TSHZ2: variants seen among roughly 807,000 people sequenced by gnomAD.
TSHZ2 encodes teashirt zinc finger homeobox 2.
In TSHZ2, 21 loss-of-function variants were observed where a neutral mutation model predicts 74.4. The ratio of observed to expected loss-of-function variants is 0.28; its 90% CI spans 0.20 to 0.41. TSHZ2 has a LOEUF of 0.41. Among genes scored for constraint, TSHZ2 ranks in the 10% least tolerant of loss-of-function variants. The pLI is 1.00. For missense variants in TSHZ2, 1,244 were observed against 1,293.5 expected (o/e 0.96, Z 0.59); for synonymous variants, 540 against 515.3 (o/e 1.05, Z -0.65).
chr20:53,472,323 C>T (rs908842252), intron 2 of TSHZ2, among the ~76,000 whole-genome samples: 15 of 152,166 alleles, frequency 9.9e-5, no homozygotes, highest in Non-Finnish European at 1.5e-4. Context: ...GGGAGGATTT[C>T]ATGACTAGGG....
At position 53,406,992 on chromosome 20, in the gene TSHZ2, G is replaced by T. The variant is rs186224313; in HGVS notation, c.*9-80152G>T. Among the ~76,000 whole-genome samples, 180 of 152,082 alleles carry T rather than the reference G, an allele frequency of 1.2e-3. 1 individual carries two copies. The highest frequency in any genetic ancestry group is 3.5e-3 in the African/African-American group (144 of 41,478). On this transcript the variant is annotated intron_variant, in intron 2 of 2. Coordinates refer to ENST00000371497, the MANE Select transcript of TSHZ2 (RefSeq NM_173485.6). ...AACCCCAAACTCAGCCCCACTTCAG[G>T]GTCTCTCACTAAAGCACCAATGAGC...
chr20:53,031,973 G>T (rs1369261503), intron 1 of TSHZ2, among the ~76,000 whole-genome samples: 1 of 149,930 alleles, frequency 6.7e-6, no homozygotes, highest in Non-Finnish European at 1.5e-5. Flanking sequence ...TAGGAAGAGA[G>T]AAAGAAAGAA....
At chr20:53,284,728 C>T (rs1446460318) in intron 2 of TSHZ2, among the ~76,000 whole-genome samples, 2 of 151,346 alleles carry the variant, frequency 1.3e-5, no homozygotes, top group African/African-American at 4.9e-5. Flanking sequence ...CCCCCACCCC[C>T]ATTGTGTGAT....
intron 2 of TSHZ2, among the ~76,000 whole-genome samples, chr20:53,330,299 A>G (rs572488174): frequency 2.0e-5 from 3 of 152,212 alleles, no homozygotes; most frequent in Non-Finnish European, 4.4e-5. Flanking sequence ...TTGCATAACT[A>G]TAGGGCAATA....
intron 1 of TSHZ2, among the ~76,000 whole-genome samples, chr20:53,151,756 G>A (rs1253210627): frequency 6.6e-6 from 1 of 152,038 alleles, no homozygotes; most frequent in African/African-American, 2.4e-5. Flanking sequence ...ATCACCTCAT[G>A]GCCTTTCTAA....
chr20:53,220,150 A>G (rs1241103385), intron 1 of TSHZ2, among the ~76,000 whole-genome samples: 1 of 152,226 alleles, frequency 6.6e-6, no homozygotes, highest in East Asian at 1.9e-4. Flanking sequence ...TCTTAACCTC[A>G]TTATCAAAAT....
chr20:53,435,870 T>C (rs1438567911), intron 2 of TSHZ2, among the ~76,000 whole-genome samples: 2 of 152,222 alleles, frequency 1.3e-5, no homozygotes, highest in Non-Finnish European at 2.9e-5. Flanking sequence ...GCTCTCCCTC[T>C]TGCTAAGTGT....
chr20:53,377,176 T>C (rs918341276), intron 2 of TSHZ2, among the ~76,000 whole-genome samples: 2 of 152,224 alleles, frequency 1.3e-5, no homozygotes, highest in African/African-American at 4.8e-5. Context: ...TACTGCAACA[T>C]TTTACAGTCC....
chr20:53,228,945 A>G (rs916676470), intron 1 of TSHZ2, among the ~76,000 whole-genome samples: 47 of 152,184 alleles, frequency 3.1e-4, no homozygotes, highest in African/African-American at 1.1e-3. Flanking sequence ...TGACCTTGCA[A>G]AATTCTCCAG....
At chr20:53,431,556 G>C (rs1268336645) in intron 2 of TSHZ2, among the ~76,000 whole-genome samples, 1 of 152,090 alleles carries the variant, frequency 6.6e-6, no homozygotes, top group Non-Finnish European at 1.5e-5. Context: ...TTGAGCACTT[G>C]CTATGGGACA....
chr20:53,006,017 T>C (rs1472887125), intron 1 of TSHZ2, among the ~76,000 whole-genome samples: 1 of 152,200 alleles, frequency 6.6e-6, no homozygotes, highest in Non-Finnish European at 1.5e-5. Flanking sequence ...TTCTTTTTTG[T>C]GACACACACA....
At chr20:53,380,996 A>T (rs1280605487) in intron 2 of TSHZ2, among the ~76,000 whole-genome samples, 1 of 152,226 alleles carries the variant, frequency 6.6e-6, no homozygotes, top group Non-Finnish European at 1.5e-5. Context: ...CCTATGCAGA[A>T]TCCTGCGTTT....
At chr20:53,404,611 G>A (rs1321740373) in intron 2 of TSHZ2, among the ~76,000 whole-genome samples, 2 of 152,160 alleles carry the variant, frequency 1.3e-5, no homozygotes, top group South Asian at 2.1e-4. Flanking sequence ...ATGATTGGTC[G>A]TATCCAGTCA....
At chr20:53,365,440 T>G (rs1188584787) in intron 2 of TSHZ2, among the ~76,000 whole-genome samples, 1 of 152,172 alleles carries the variant, frequency 6.6e-6, no homozygotes, top group African/African-American at 2.4e-5. Flanking sequence ...AGGACCCCAC[T>G]CCACTACTAT....
intron 2 of TSHZ2, among the ~76,000 whole-genome samples, chr20:53,479,283 C>T (rs1986083043): frequency 6.6e-6 from 1 of 152,004 alleles, no homozygotes; most frequent in South Asian, 2.1e-4. Flanking sequence ...AATGCAGGTT[C>T]CAAATCAGCA....
chr20:53,399,235 A>G (rs189974486), intron 2 of TSHZ2: 1 of 152,330 alleles, frequency 6.6e-6, no homozygotes, highest in Non-Finnish European at 1.5e-5. Context: ...ACTTGTTTGT[A>G]TGGAAATAAA....
intron 2 of TSHZ2, among the ~76,000 whole-genome samples, chr20:53,294,743 A>C (rs1314385078): frequency 6.6e-6 from 1 of 152,212 alleles, no homozygotes; most frequent in Non-Finnish European, 1.5e-5. Context: ...CTTTGGGTTT[A>C]AGTCTTTCTG....
At chr20:53,234,934 G>A (rs2426468) in intron 1 of TSHZ2, among the ~76,000 whole-genome samples, 105,485 of 151,862 alleles carry the variant, frequency 0.69, 37,788 homozygotes, top group African/African-American at 0.87. Context: ...CTGACTGCTA[G>A]GAGTGTTAAG....
At chr20:53,176,531 TAC>T (rs1988340713) in intron 1 of TSHZ2, among the ~76,000 whole-genome samples, 1 of 152,170 alleles carries the variant, frequency 6.6e-6, no homozygotes, top group Admixed American at 6.5e-5. Context: ...GCATGTTTCC[TAC>T]AGCATTGATT....
Sources: gnomAD v4.1 joint callset for allele counts (sites outside exome capture counted in the v4.1 genomes callset) on GRCh38, gnomAD v4.1.1 for gene constraint, MANE v1.5 for transcripts, NCBI Gene and HGNC (gene_info 2026-07-23, HGNC 2026-07-21) for gene names.